MTUS2: variants seen among roughly 807,000 people sequenced by gnomAD.
MTUS2 encodes the protein microtubule-associated tumor suppressor candidate 2.
In MTUS2, 40 loss-of-function variants were observed where a neutral mutation model predicts 114.1. The ratio of observed to expected loss-of-function variants is 0.35; its 90% CI spans 0.27 to 0.46. The LOEUF (loss-of-function observed/expected upper bound fraction) is 0.46, where lower values mean the gene tolerates loss of function less well. Ranked by LOEUF, MTUS2 falls within the 20% of genes least tolerant of loss-of-function variation. The probability of loss-of-function intolerance (pLI) is 1.00; values close to 1 mark genes in which losing one functional copy is unlikely to be tolerated. For synonymous variants in MTUS2, 688 were observed against 672.0 expected (o/e 1.02, Z -0.37); for missense variants, 1,679 against 1,705.4 (o/e 0.98, Z 0.27).
intron 4 of MTUS2, among the ~76,000 whole-genome samples, chr13:29,035,883 G>A (rs1454860314): frequency 6.6e-6 from 1 of 152,030 alleles, no homozygotes; most frequent in African/African-American, 2.4e-5. Context: ...GGTGGCTCAC[G>A]ACTGTAATCC....
intron 2 of MTUS2, among the ~76,000 whole-genome samples, chr13:28,914,293 T>A (rs1003811772): frequency 9.2e-5 from 14 of 152,172 alleles, no homozygotes; most frequent in African/African-American, 2.9e-4. Context: ...TGGCATGTTG[T>A]CTGTTTGTTC....
intron 3 of MTUS2, among the ~76,000 whole-genome samples, chr13:29,028,557 G>A (rs1886670057): frequency 1.3e-5 from 2 of 151,494 alleles, no homozygotes; most frequent in South Asian, 2.1e-4. Context: ...CCCTCTGCTT[G>A]GAATGTTCTC....
intron 8 of MTUS2, among the ~76,000 whole-genome samples, chr13:29,376,836 A>G (rs1204181297): frequency 6.6e-6 from 1 of 152,222 alleles, no homozygotes; most frequent in African/African-American, 2.4e-5. Context: ...ATGTGTGGCA[A>G]TAATGACTAT....
chr13:28,979,732 G>C lies in MTUS2; in HGVS notation c.-242-44725G>C, dbSNP rs539811510. 4.6e-5 allele frequency among the ~76,000 whole-genome samples: 7 copies of C among 152,292 alleles called. No individual in the cohort carries two copies. In the East Asian group the frequency reaches 1.2e-3, roughly 25 times the overall value. On this transcript the variant is annotated intron_variant, in intron 2 of 15. Transcript: ENST00000612955. ...CTGGGAGAGTAAGAGGCTCTGATGA[G>C]AGTCTGAGTTTAGTGCCTCAGAAGA...
At chr13:29,101,806 C>G in intron 5 of MTUS2, among the ~76,000 whole-genome samples, 1 of 152,210 alleles carries the variant, frequency 6.6e-6, no homozygotes. Context: ...TGGAATAATT[C>G]GAAAGAGAGA....
chr13:29,473,351 T>G (rs1880454295), intron 9 of MTUS2, among the ~76,000 whole-genome samples: 1 of 152,228 alleles, frequency 6.6e-6, no homozygotes, highest in Admixed American at 6.5e-5. Flanking sequence ...AAAACCAATG[T>G]AAAGTTACAA....
At chr13:29,322,487 G>T (rs1330325535) in intron 6 of MTUS2, among the ~76,000 whole-genome samples, 2 of 152,226 alleles carry the variant, frequency 1.3e-5, no homozygotes, top group African/African-American at 4.8e-5. Context: ...GAGAGCAGGG[G>T]TTGGAGGGGT....
intron 2 of MTUS2, among the ~76,000 whole-genome samples, chr13:28,924,389 T>C (rs1467710730): frequency 6.6e-6 from 1 of 152,172 alleles, no homozygotes; most frequent in African/African-American, 2.4e-5. Flanking sequence ...TTGTTTTCAT[T>C]TCCCTTGTCT....
chr13:28,884,262 C>T (rs572278909), intron 2 of MTUS2, among the ~76,000 whole-genome samples: 11 of 152,226 alleles, frequency 7.2e-5, no homozygotes, highest in South Asian at 2.1e-4. Flanking sequence ...GAGGTATGAA[C>T]GAACCTTGAG....
chr13:29,440,134 T>C (rs1877722617), intron 9 of MTUS2, 85 bp downstream of exon 9: 4 of 1,347,414 alleles, frequency 3.0e-6, no homozygotes, highest in Non-Finnish European at 4.1e-6. Flanking sequence ...TTATGCCTCC[T>C]GTAATAAGCC....
chr13:29,153,638 T>C (rs1300340089), intron 5 of MTUS2, among the ~76,000 whole-genome samples: 1 of 152,116 alleles, frequency 6.6e-6, no homozygotes, highest in Non-Finnish European at 1.5e-5. Context: ...ATGGGCTCAA[T>C]TACACACTGC....
intron 5 of MTUS2, among the ~76,000 whole-genome samples, chr13:29,244,986 A>G (rs915552181): frequency 2.1e-5 from 3 of 143,590 alleles, no homozygotes; most frequent in Non-Finnish European, 4.6e-5. Context: ...AAAAAAGTAA[A>G]AGTCTGTTGA....
chr13:29,189,608 TGACTA>T (rs1894365350), intron 5 of MTUS2, among the ~76,000 whole-genome samples: 1 of 152,202 alleles, frequency 6.6e-6, no homozygotes, highest in African/African-American at 2.4e-5. Context: ...CCAATGTACT[TGACTA>T]ATCTCTTGCT....
rs188716693 is a variant in MTUS2, at chr13:29,291,388, T to C, written c.2806+9523T>C. 4.4e-3 allele frequency among the ~76,000 whole-genome samples: 665 copies of C among 152,328 alleles called. 6 individuals carry two copies. The highest frequency in any genetic ancestry group is 4.5e-3 in the Non-Finnish European group (305 of 68,018). On this transcript the variant is annotated intron_variant, in intron 6 of 15. Transcript: ENST00000612955. ...ATTTCAATGGTGTCTTAAGCCTCCA[T>C]TTTTGTTTTCAAAAGGCATAAAACG...
At chr13:29,368,091 A>G (rs1258348424) in intron 8 of MTUS2, among the ~76,000 whole-genome samples, 1 of 151,918 alleles carries the variant, frequency 6.6e-6, no homozygotes, top group Admixed American at 6.6e-5. Flanking sequence ...GGTGCCTGCC[A>G]CCGCACCCGG....
At position 29,468,888 on chromosome 13, in the gene MTUS2, G is replaced by A. The variant is rs148478186; in HGVS notation, c.3185-11262G>A. ...TGGGACATGAAGTGATTCTGCAAAA[G>A]CATGTTTGTCCTGTAATTGAAGCTT... On this transcript the variant is annotated intron_variant, in intron 9 of 15. Coordinates refer to ENST00000612955, the MANE Select transcript of MTUS2 (RefSeq NM_001033602.4). Among the ~76,000 whole-genome samples, 20 of 152,260 alleles carry A rather than the reference G, an allele frequency of 1.3e-4. No homozygotes were observed. The East Asian group carries it at 3.5e-3, about 26-fold the overall frequency.
chr13:29,449,194 G>A (rs1878507384), intron 9 of MTUS2, among the ~76,000 whole-genome samples: 1 of 151,754 alleles, frequency 6.6e-6, no homozygotes, highest in Non-Finnish European at 1.5e-5. Flanking sequence ...TAAAGATATA[G>A]AAAAAAATTT....
At chr13:28,824,725 A>G (rs1048884930) in intron 1 of MTUS2, among the ~76,000 whole-genome samples, 9 of 151,300 alleles carry the variant, frequency 5.9e-5, no homozygotes, top group African/African-American at 1.9e-4. Flanking sequence ...TCCATAGGCC[A>G]GGCACTTTTA....
At chr13:28,879,026 C>T (rs1194379076) in intron 2 of MTUS2, among the ~76,000 whole-genome samples, 1 of 152,206 alleles carries the variant, frequency 6.6e-6, no homozygotes, top group Non-Finnish European at 1.5e-5. Flanking sequence ...GCCATTCTGA[C>T]TGGCATGAGA....
Sources: gnomAD v4.1 joint callset for allele counts (sites outside exome capture counted in the v4.1 genomes callset) on GRCh38, gnomAD v4.1.1 for gene constraint, MANE v1.5 for transcripts, NCBI Gene and HGNC (gene_info 2026-07-23, HGNC 2026-07-21) for gene names.